CSNK2A1: variants seen among roughly 807,000 people sequenced by gnomAD.
CSNK2A1 encodes the protein casein kinase 2 alpha 1.
In CSNK2A1, 10 loss-of-function variants were observed where a neutral mutation model predicts 62.9. The ratio of observed to expected loss-of-function variants is 0.16; its 90% confidence interval spans 0.10 to 0.27. CSNK2A1 has a LOEUF of 0.27. CSNK2A1 is among the 10% of genes least tolerant of loss of function. The probability of loss-of-function intolerance (pLI) is 1.00; values close to 1 mark genes in which losing one functional copy is unlikely to be tolerated. For synonymous variants in CSNK2A1, 124 were observed against 167.8 expected (o/e 0.74, Z 2.02); for missense variants, 160 against 492.0 (o/e 0.33, Z 6.38).
chr20:520,982 G>GA (rs374574277), intron 2 of CSNK2A1, among the ~76,000 whole-genome samples: 3 of 150,386 alleles, frequency 2.0e-5, no homozygotes, highest in Admixed American at 6.6e-5. Flanking sequence ...CTCTGGGGGG[G>GA]AAAAAAAAAG....
At chr20:485,104 A>ATAATAATAATAATAAT (rs2018059633) in intron 13 of CSNK2A1, among the ~76,000 whole-genome samples, 1 of 47,224 alleles carries the variant, frequency 2.1e-5, no homozygotes, top group African/African-American at 7.7e-5. Flanking sequence ...AAAAAAAAAA[A>ATAATAATAATAATAAT]AAAAAATATA....
intron 3 of CSNK2A1, chr20:506,568 GACAA>G (rs2018606790): frequency 6.6e-6 from 1 of 152,116 alleles, no homozygotes; most frequent in Non-Finnish European, 1.5e-5. Flanking sequence ...TCTGAAGAAT[GACAA>G]ACACAGTTCC....
At chr20:489,635 A>G in intron 10 of CSNK2A1, 145 bp downstream of exon 10, 1 of 533,118 alleles carries the variant, frequency 1.9e-6, no homozygotes. Context: ...TCTGATTTCA[A>G]AAGGCTAAGC....
chr20:504,900 AC>A (rs2018543766), intron 4 of CSNK2A1: 5 of 489,402 alleles, frequency 1.0e-5, no homozygotes. Context: ...CTCTGCCACA[AC>A]CTAGCTATAT....
chr20:518,499 C>T (rs897536734), intron 2 of CSNK2A1, among the ~76,000 whole-genome samples: 2 of 152,256 alleles, frequency 1.3e-5, no homozygotes, highest in African/African-American at 4.8e-5. Flanking sequence ...AGGAAAGTAC[C>T]TTACTGTGGG....
At chr20:529,183 C>A (rs981709608) in intron 1 of CSNK2A1, among the ~76,000 whole-genome samples, 1 of 147,224 alleles carries the variant, frequency 6.8e-6, no homozygotes, top group African/African-American at 2.5e-5. Context: ...CACCACCACT[C>A]CTGGCTATTT....
Position 489,766 on chromosome 20 carries a change from A to G in CSNK2A1, c.723+14T>C, listed in dbSNP as rs753436498. 6 of 1,606,900 alleles carry G rather than the reference A, an allele frequency of 3.7e-6. No individual in the cohort carries two copies. The highest frequency in any genetic ancestry group is 2.2e-5 in the East Asian group (1 of 44,838). On this transcript the variant is annotated intron_variant, in intron 10 of 13. Coordinates refer to ENST00000217244, the MANE Select transcript of CSNK2A1 (RefSeq NM_177559.3). ...TAGGCCAGTACATTTTTCAATGGGTATAACATATATTACCTGATCATAATT... is the reference window on the plus strand; with the variant it reads ...TAGGCCAGTACATTTTTCAATGGGTGTAACATATATTACCTGATCATAATT...
At chr20:498,254 T>C (rs1218198866) in intron 6 of CSNK2A1, 1 of 153,322 alleles carries the variant, frequency 6.5e-6, no homozygotes, top group African/African-American at 2.4e-5. Flanking sequence ...CTTGTTCCAA[T>C]TGGAAAGTAA....
chr20:521,345 A>G (rs757861309), intron 2 of CSNK2A1, among the ~76,000 whole-genome samples: 13 of 152,254 alleles, frequency 8.5e-5, no homozygotes, highest in Non-Finnish European at 1.8e-4. Context: ...AATGAAATTA[A>G]ATCATACAAC....
intron 2 of CSNK2A1, among the ~76,000 whole-genome samples, chr20:524,591 G>A (rs1328796277): frequency 4.7e-5 from 7 of 148,486 alleles, no homozygotes; most frequent in Admixed American, 2.7e-4. Context: ...TTAGCTGGGT[G>A]TGGTGGCGGG....
Position 492,123 on chromosome 20 carries a change from T to C in CSNK2A1, c.621+131A>G, listed in dbSNP as rs77216530. The C allele has an allele frequency of 1.6e-3, 1,028 of 657,632 alleles. 12 individuals carry two copies. In the East Asian group the frequency reaches 0.022, roughly 14 times the overall value. The allele number at this position is 657,632 out of a possible 1,614,324, so 40.7% of individuals were successfully genotyped here. ...AAGGTGATTTATATTTTACATTTCA[T>C]ATAAAAAGGACAGCTGTGAATGTGC... is the stretch of plus-strand genomic sequence containing the variant. On this transcript the variant is annotated intron_variant, in intron 9 of 13. Transcript: ENST00000217244.
intron 1 of CSNK2A1, chr20:541,078 T>TA (rs2122141888): frequency 6.6e-6 from 1 of 152,366 alleles, no homozygotes; most frequent in Admixed American, 6.5e-5. Context: ...TTCCTTCTGA[T>TA]AAACTTTCCA....
rs1277435941 is a variant in CSNK2A1 at position 528,045 on chromosome 20, T to C, written c.-222A>G. 3 of 152,216 alleles carry C rather than the reference T, an allele frequency of 2.0e-5. No individual in the cohort carries two copies. Among genetic ancestry groups the C allele is most frequent in the South Asian group, 2.1e-4 (1 of 4,824 alleles). The allele number at this position is 152,216 out of a possible 1,614,324, so 9.4% of individuals were successfully genotyped here. On this transcript the variant is annotated 5_prime_UTR_variant, in exon 2 of 14. Coordinates refer to ENST00000217244, the MANE Select transcript of CSNK2A1 (RefSeq NM_177559.3). ...GAGCACACTGCTTGACAAGCCTTGA[T>C]AGAGCTACAAAAACAGTTCAGTACT...
At chr20:514,255 G>C (rs2018783908) in intron 2 of CSNK2A1, among the ~76,000 whole-genome samples, 1 of 151,774 alleles carries the variant, frequency 6.6e-6, no homozygotes, top group Admixed American at 6.6e-5. Context: ...GAGATGGAAG[G>C]ATCACTTGAG....
intron 2 of CSNK2A1, among the ~76,000 whole-genome samples, chr20:524,586 TG>T (rs927457063): frequency 2.7e-5 from 4 of 147,508 alleles, no homozygotes; most frequent in Admixed American, 2.0e-4. Flanking sequence ...AAAAATTAGC[TG>T]GGTGTGGTGG....
At chr20:498,476 G>T (rs1256574932) in intron 6 of CSNK2A1, 1 of 151,922 alleles carries the variant, frequency 6.6e-6, no homozygotes, top group African/African-American at 2.4e-5. Flanking sequence ...CAGTAGCTAG[G>T]ACTACAGGCG....
intron 1 of CSNK2A1, among the ~76,000 whole-genome samples, chr20:537,022 T>A (rs1441796787): frequency 6.6e-6 from 1 of 152,120 alleles, no homozygotes; most frequent in Admixed American, 6.5e-5. Context: ...TATAGAACAT[T>A]GATGAGATAG....
chr20:540,543 C>CT (rs1453410844), intron 1 of CSNK2A1, among the ~76,000 whole-genome samples: 1 of 152,096 alleles, frequency 6.6e-6, no homozygotes, highest in Non-Finnish European at 1.5e-5. Context: ...TGTCCTAGGC[C>CT]TTTTCTTTTT....
intron 3 of CSNK2A1, chr20:508,124 T>C (rs936551225): frequency 1.5e-5 from 3 of 195,752 alleles, no homozygotes; most frequent in African/African-American, 7.0e-5. Context: ...AGCTCTCTTA[T>C]AATCTTATGG....
Sources: gnomAD v4.1 joint callset for allele counts (sites outside exome capture counted in the v4.1 genomes callset) on GRCh38, gnomAD v4.1.1 for gene constraint, MANE v1.5 for transcripts, NCBI Gene and HGNC (gene_info 2026-07-23, HGNC 2026-07-21) for gene names.